Variants in GLB1L2 observed in about 807,000 individuals in gnomAD.
GLB1L2 encodes beta-galactosidase-1-like protein 2.
Under a neutral mutation model 84.1 loss-of-function variants are expected in GLB1L2, and 68 were observed. The observed-to-expected ratio is 0.81, with a 90% CI of 0.67 to 0.99. GLB1L2 has a LOEUF of 0.99. Ranked by LOEUF, GLB1L2 falls within the 50% of genes least tolerant of loss-of-function variation. The pLI, the probability that GLB1L2 is intolerant of heterozygous loss-of-function variation, is 0.00. For synonymous variants in GLB1L2, 290 were observed against 318.0 expected (o/e 0.91, Z 0.94); for missense variants, 762 against 805.6 (o/e 0.95, Z 0.66).
At chr11:134,364,610 A>G in intron 8 of GLB1L2, 1 of 551,740 alleles carries the variant, frequency 1.8e-6, no homozygotes, top group Non-Finnish European at 3.2e-6. Context: ...CAGTGTGGAC[A>G]TCACCCACTG....
intron 9 of GLB1L2, among the ~76,000 whole-genome samples, chr11:134,367,638 G>GAA (rs1337806087): frequency 6.6e-6 from 1 of 152,178 alleles, no homozygotes; most frequent in Non-Finnish European, 1.5e-5. Flanking sequence ...AGAGCACAGA[G>GAA]AAAACACTTA....
Position 134,374,175 on chromosome 11 carries a change from A to G in GLB1L2, c.1626A>G (p.Pro542=), listed in dbSNP as rs1163747248. 1.9e-6 allele frequency: 3 copies of G among 1,614,080 alleles called. No individual in the cohort carries two copies. The highest frequency in any genetic ancestry group is 1.1e-5 in the South Asian group (1 of 91,086). Residue 542 remains proline, a synonymous_variant, in exon 17 of 19, where the codon CCA becomes CCG. Transcript: ENST00000535456. ...GCCTGGACAAATGGAGTTCCCTCCC[A>G]GAAACACCCACATTACCTGCTTTCT... is the stretch of plus-strand genomic sequence containing the variant. ...RFGLDKWSSL[P]ETPTLPAFFL...
In GLB1L2 at chr11:134,374,617, G is replaced by T; in HGVS notation, c.1723G>T (p.Val575Phe). Residue 575 changes from valine (V) to phenylalanine (F), a missense_variant, in exon 18 of 19, where the codon GTT (valine) becomes TTT (phenylalanine). By Grantham distance (50) the Val-to-Phe change is conservative. This residue lies in a region of GLB1L2 where 603 missense variants were observed against 611.7 expected (regional missense o/e 0.99). Coordinates refer to ENST00000535456, the MANE Select transcript of GLB1L2 (RefSeq NM_001370461.1). ...CTGTTTCAAGGGCTGGGAGAAGGGG[G>T]TTGTATTCATCAATGGCCAGAACCT... ...FLKLEGWEKGVVFINGQNLGR... is the reference protein window; with the variant it reads ...FLKLEGWEKGFVFINGQNLGR... 2 of 1,613,882 alleles carry T rather than the reference G, an allele frequency of 1.2e-6. No homozygotes were observed. Among genetic ancestry groups the T allele is most frequent in the Non-Finnish European group, 1.7e-6 (2 of 1,179,822 alleles).
chr11:134,347,163 C>T lies in GLB1L2; in HGVS notation c.450-162C>T, dbSNP rs140051279. On this transcript the variant is annotated intron_variant, in intron 4 of 18. Transcript: ENST00000535456. ...TGCGGGTGGGTGCTCGCCCCAGAAT[C>T]GGTTTGCATTGTCTCCCCACTTCTG... 438 of 655,074 alleles carry T rather than the reference C, an allele frequency of 6.7e-4. 2 individuals carry two copies. The East Asian group carries it at 7.1e-3, about 11-fold the overall frequency. The allele number at this position is 655,074 out of a possible 1,614,324, so 40.6% of individuals were successfully genotyped here.
intron 6 of GLB1L2, among the ~76,000 whole-genome samples, chr11:134,357,449 C>A (rs1301814143): frequency 2.6e-5 from 4 of 152,246 alleles, no homozygotes; most frequent in Non-Finnish European, 5.9e-5. Flanking sequence ...CCATGCCCAG[C>A]CACGGCCTGG....
chr11:134,332,051 G>T lies in GLB1L2; in HGVS notation c.-11G>T, dbSNP rs1321730348. On this transcript the variant is annotated 5_prime_UTR_variant, in exon 1 of 19. Transcript: ENST00000535456. ...GTGGGAACCCGGGTCCCCGCGCTTA[G>T]AGAACACGCGATGACCACGTGGAGC... The T allele has an allele frequency of 6.4e-7, 1 of 1,555,540 alleles. No individual in the cohort carries two copies. Among genetic ancestry groups the T allele is most frequent in the Admixed American group, 1.9e-5 (1 of 52,892 alleles).
chr11:134,370,130 GC>G lies in GLB1L2; in HGVS notation c.1109-161del, dbSNP rs112990760. On this transcript the variant is annotated intron_variant, in intron 11 of 18. Transcript: ENST00000535456. This position sits in a 1 kb window ranked among gnomAD's most constrained non-coding sequence, Gnocchi z 4.7. Reference sequence around the variant, plus strand: ...ACGCCCTGGCTTTCCCCCAGGCCTGGCCTTCCTCCCTGGCCTCAGCAGGTGC... The same window carrying G: ...ACGCCCTGGCTTTCCCCCAGGCCTGGCTTCCTCCCTGGCCTCAGCAGGTGC... Among the ~76,000 whole-genome samples, 250 of 152,258 alleles carry G rather than the reference GC, an allele frequency of 1.6e-3. 1 individual carries two copies. The highest frequency in any genetic ancestry group is 5.8e-3 in the African/African-American group (242 of 41,556).
chr11:134,366,345 G>C (rs1943867211), intron 8 of GLB1L2, among the ~76,000 whole-genome samples: 1 of 152,176 alleles, frequency 6.6e-6, no homozygotes, highest in African/African-American at 2.4e-5. Context: ...TTTAACCCGG[G>C]TATGGCTGGT....
In GLB1L2 at chr11:134,339,649, G is replaced by A. The variant is rs1015517178; in HGVS notation, c.87-3105G>A. 1.3e-5 allele frequency among the ~76,000 whole-genome samples: 2 copies of A among 152,000 alleles called. No individual in the cohort carries two copies. The highest frequency in any genetic ancestry group is 6.6e-5 in the Admixed American group (1 of 15,260). The stretch of plus-strand genomic sequence containing the variant: ...ATTCTAAAAATATAGAAAATGGTGT[G>A]TTATAAAGACACTAGCAAAGACAAG... On this transcript the variant is annotated intron_variant, in intron 1 of 18. Transcript: ENST00000535456. The surrounding 1 kb of genome is among the most constrained non-coding windows in gnomAD (Gnocchi z 5.7).
chr11:134,352,654 T>G (rs932605737), intron 5 of GLB1L2, among the ~76,000 whole-genome samples: 9 of 151,148 alleles, frequency 6.0e-5, no homozygotes, highest in Non-Finnish European at 1.2e-4. Context: ...GTCTTCTTTT[T>G]TTTTTTTTTT....
At chr11:134,349,883 C>T (rs1038915477) in intron 5 of GLB1L2, among the ~76,000 whole-genome samples, 5 of 152,122 alleles carry the variant, frequency 3.3e-5, no homozygotes, top group African/African-American at 1.2e-4. Flanking sequence ...CAGCAGGTTC[C>T]CTTTTGGCTC....
intron 16 of GLB1L2, 90 bp from the exon 17 acceptor site, chr11:134,374,055 G>T: frequency 2.1e-6 from 2 of 966,910 alleles, no homozygotes; most frequent in South Asian, 2.8e-5. Flanking sequence ...CTTGGATGGG[G>T]AAACGGTGTC....
At position 134,370,694 on chromosome 11, in the gene GLB1L2, C is replaced by T. The variant is rs886996785; in HGVS notation, c.1215+295C>T. 1.3e-5 allele frequency among the ~76,000 whole-genome samples: 2 copies of T among 152,096 alleles called. No individual in the cohort carries two copies. The highest frequency in any genetic ancestry group is 6.5e-5 in the Admixed American group (1 of 15,278). ...CTGGCCCCGTGGGCCTTTCCTTCCT[C>T]CAGCCTCAGAGAGGAGAGTGAGGGG... On this transcript the variant is annotated intron_variant, in intron 12 of 18. Transcript: ENST00000535456. This position sits in a 1 kb window ranked among gnomAD's most constrained non-coding sequence, Gnocchi z 4.7.
chr11:134,365,372 C>A (rs1244283447), intron 8 of GLB1L2, among the ~76,000 whole-genome samples: 1 of 152,328 alleles, frequency 6.6e-6, no homozygotes, highest in African/African-American at 2.4e-5. Flanking sequence ...CCTTTCTTGG[C>A]ATTTCCTGAG....
intron 8 of GLB1L2, chr11:134,366,990 C>G (rs890169148): frequency 2.0e-6 from 1 of 495,024 alleles, no homozygotes; most frequent in African/African-American, 1.9e-5. Flanking sequence ...AACACGTATG[C>G]AACATTAAAA....
chr11:134,363,884 A>G lies in GLB1L2; in HGVS notation c.734-444A>G, dbSNP rs1943831638. On this transcript the variant is annotated intron_variant, in intron 7 of 18. Transcript: ENST00000535456. ...GGCGTCCTGGCTGACTTATTTATTT[A>G]TTTATTTTTGTGAGACACAGTCTCA... 2.0e-5 allele frequency among the ~76,000 whole-genome samples: 3 copies of G among 152,098 alleles called. No homozygotes were observed. In the South Asian group the frequency reaches 6.2e-4, roughly 32 times the overall value.
chr11:134,337,140 G>C (rs57022733), intron 1 of GLB1L2, among the ~76,000 whole-genome samples: 1 of 152,130 alleles, frequency 6.6e-6, no homozygotes, highest in Non-Finnish European at 1.5e-5. Flanking sequence ...TATTGCTTCC[G>C]GGTCAGAGCC....
At chr11:134,342,294 C>A (rs1474893291) in intron 1 of GLB1L2, among the ~76,000 whole-genome samples, 2 of 152,184 alleles carry the variant, frequency 1.3e-5, no homozygotes, top group Non-Finnish European at 2.9e-5. Context: ...GATGGGTGGA[C>A]GCCGCCAACG....
chr11:134,371,476 C>T lies in GLB1L2; in HGVS notation c.1412C>T (p.Ala471Val). Residue 471 changes from alanine (A) to valine (V), a missense_variant, in exon 14 of 19, where the codon GCT (alanine) becomes GTT (valine). Ala to Val is a moderately conservative substitution (Grantham distance 64). This residue lies in a region of GLB1L2 where 603 missense variants were observed against 611.7 expected (regional missense o/e 0.99). Coordinates refer to ENST00000535456, the MANE Select transcript of GLB1L2 (RefSeq NM_001370461.1). ...TTGGACTACAAGACAACGAAGATTG[C>T]TGTCCCCCTGATCCAGGTTCGTTGT... ...GFLDYKTTKI[A>V]VPLIQGYTVL... 2 of 1,587,210 alleles carry T rather than the reference C, an allele frequency of 1.3e-6. No individual in the cohort carries two copies. Among genetic ancestry groups the T allele is most frequent in the Non-Finnish European group, 1.7e-6 (2 of 1,155,496 alleles).
Sources: allele counts gnomAD v4.1 joint callset (sites outside exome capture counted in the v4.1 genomes callset), GRCh38; gene constraint gnomAD v4.1.1; regional missense constraint gnomAD v4.1.1; non-coding constraint Gnocchi (gnomAD v3.1); transcripts MANE v1.5; gene names NCBI Gene and HGNC (gene_info 2026-07-23, HGNC 2026-07-21).